HLTF: variants seen among roughly 807,000 people sequenced by gnomAD.
HLTF encodes helicase like transcription factor, also known as DNA-dependent ATPase/E3 ubiquitin-protein ligase HLTF.
Under a neutral mutation model 129.4 loss-of-function variants are expected in HLTF, and 127 were observed. That is an observed-to-expected ratio of 0.98 (90% CI 0.85 to 1.14). The LOEUF (loss-of-function observed/expected upper bound fraction) is 1.14, where lower values mean the gene tolerates loss of function less well. HLTF is among the 50% of genes most tolerant of loss of function. HLTF has a pLI of 0.00. For missense variants in HLTF, 1,139 were observed against 1,187.1 expected, an observed-to-expected ratio of 0.96 and a Z score of 0.60; for synonymous variants, 332 against 388.8, an observed-to-expected ratio of 0.85 and a Z score of 1.72.
At chr3:149,077,249 A>G (rs1356526887) in intron 2 of HLTF, among the ~76,000 whole-genome samples, 1 of 50,524 alleles carries the variant, frequency 2.0e-5, no homozygotes, top group Admixed American at 1.8e-4. Context: ...TTCATCTCAA[A>G]ATAAATAAAT....
intron 6 of HLTF, 47 bp downstream of exon 6, chr3:149,071,536 A>T: frequency 6.8e-7 from 1 of 1,472,550 alleles, no homozygotes; most frequent in Non-Finnish European, 9.4e-7. Flanking sequence ...TTCTAAGTAT[A>T]TTTAAACATT....
At chr3:149,040,488 C>T (rs1192744506) in intron 20 of HLTF, among the ~76,000 whole-genome samples, 4 of 151,730 alleles carry the variant, frequency 2.6e-5, no homozygotes, top group Admixed American at 2.6e-4. Context: ...AATACAGCTA[C>T]ACTATTTAGT....
At chr3:149,048,240 A>C in intron 16 of HLTF, 77 bp from the exon 17 acceptor site, 6 of 1,201,502 alleles carry the variant, frequency 5.0e-6, no homozygotes, top group Non-Finnish European at 6.9e-6. Flanking sequence ...CAATCAGAGA[A>C]GACAACAATT....
Position 149,072,604 on chromosome 3 carries a change from G to T in HLTF, c.627+621C>A, listed in dbSNP as rs576543274. Among the ~76,000 whole-genome samples the T allele has an allele frequency of 4.1e-4, 62 of 152,264 alleles. 1 individual carries two copies. In the South Asian group the frequency reaches 0.012, roughly 29 times the overall value. ...AGCAGCTCAGAAGAAATCAGGCCAG[G>T]TCTAAAAAATCAGAAGTAACCGGGG... On this transcript the variant is annotated intron_variant, in intron 5 of 24. Coordinates refer to ENST00000310053, the MANE Select transcript of HLTF (RefSeq NM_003071.4).
At chr3:149,055,442 T>C (rs1216847107) in intron 13 of HLTF, 42 bp from the exon 14 acceptor site, 6 of 1,291,896 alleles carry the variant, frequency 4.6e-6, no homozygotes, top group Admixed American at 1.7e-5. Context: ...GCTGTTTTTC[T>C]GAAATATATA....
chr3:149,051,695 T>C (rs2877411), intron 14 of HLTF, among the ~76,000 whole-genome samples: 10,807 of 152,134 alleles, frequency 0.071, 456 homozygotes, highest in South Asian at 0.15. Context: ...ACCCTGCCTC[T>C]ACTAAAAATA....
chr3:149,084,514 G>A (rs966797844), intron 2 of HLTF, among the ~76,000 whole-genome samples, 168 bp downstream of exon 2: 3 of 152,196 alleles, frequency 2.0e-5, no homozygotes, highest in Admixed American at 2.0e-4. Context: ...ACTCTGGGAG[G>A]CTGAGGTGGG....
In HLTF at chr3:149,071,601, A is replaced by C. The variant is rs763257592; in HGVS notation, c.684T>G (p.His228Gln). Residue 228 changes from histidine to glutamine, a missense_variant, in exon 6 of 25, where the codon CAT becomes CAG. His to Gln is a conservative substitution (Grantham distance 24). Transcript: ENST00000310053. ...TCAATACCTCAGCTGGTTCCATTTC[A>C]TGGGTTTTATCATCTTCTTTTAAAT... ...FEDLKEDDKT[H>Q]EMEPAEAIET... 2 of 1,597,172 alleles carry C rather than the reference A, an allele frequency of 1.3e-6. No homozygotes were observed. The highest frequency in any genetic ancestry group is 2.2e-5 in the South Asian group (2 of 89,694).
intron 2 of HLTF, among the ~76,000 whole-genome samples, chr3:149,078,811 C>T (rs985869946): frequency 1.3e-5 from 2 of 150,790 alleles, no homozygotes; most frequent in African/African-American, 4.9e-5. Flanking sequence ...GAGCCGAGAT[C>T]GTGCCACTGC....
chr3:149,068,227 A>ACTACTACTTTACCTTCTT lies in HLTF; in HGVS notation c.985_990+12dup. ...TGGAGGTTTCACATAAAGCGCACTT[A>ACTACTACTTTACCTTCTT]CTACTACTTTACCTTCTTCAGTAGA... is the stretch of plus-strand genomic sequence containing the variant. On this transcript the variant is annotated intron_variant, in intron 8 of 24. Coordinates refer to ENST00000310053, the MANE Select transcript of HLTF (RefSeq NM_003071.4). The ACTACTACTTTACCTTCTT allele has an allele frequency of 2.6e-6, 3 of 1,175,432 alleles. No individual in the cohort carries two copies. Among genetic ancestry groups the ACTACTACTTTACCTTCTT allele is most frequent in the African/African-American group, 3.1e-5 (2 of 64,474 alleles). 72.8% of individuals were successfully genotyped at this position (1,175,432 alleles called of 1,614,324 possible).
At chr3:149,039,806 A>C in intron 21 of HLTF, 113 bp from the exon 22 acceptor site, 1 of 683,300 alleles carries the variant, frequency 1.5e-6, no homozygotes, top group Middle Eastern at 4.1e-4. Context: ...AAAATGCAAA[A>C]GACTACTCAT....
At chr3:149,059,678 A>G (rs1226903703) in intron 13 of HLTF, 40 bp downstream of exon 13, 2 of 1,295,338 alleles carry the variant, frequency 1.5e-6, no homozygotes, top group Admixed American at 2.3e-5. Flanking sequence ...TCAAAAACAG[A>G]AAAAAAACCA....
chr3:149,042,327 AAAC>A, intron 18 of HLTF, 37 bp from the exon 19 acceptor site: 1 of 1,544,044 alleles, frequency 6.5e-7, no homozygotes, highest in Non-Finnish European at 8.9e-7. Context: ...TAAGTCCGCT[AAAC>A]AATAATAACT....
intron 14 of HLTF, among the ~76,000 whole-genome samples, 172 bp from the exon 15 acceptor site, chr3:149,050,547 C>A (rs1419274726): frequency 6.6e-6 from 1 of 152,166 alleles, no homozygotes; most frequent in Non-Finnish European, 1.5e-5. Context: ...AAAAATGACA[C>A]ATACACAGTA....
At position 149,086,531 on chromosome 3, in the gene HLTF, T is replaced by G; in HGVS notation, c.-195A>C. The stretch of plus-strand genomic sequence containing the variant: ...TCGACGCCGTCTCCTTCTGCAACAA[T>G]CTGGGAGACCAGCGTCGCTCTGTGA... On this transcript the variant is annotated 5_prime_UTR_variant, in exon 1 of 25. Coordinates refer to ENST00000310053, the MANE Select transcript of HLTF (RefSeq NM_003071.4). 1 of 625,124 alleles carries G rather than the reference T, an allele frequency of 1.6e-6. No individual in the cohort carries two copies. Among genetic ancestry groups the G allele is most frequent in the Non-Finnish European group, 2.8e-6 (1 of 354,846 alleles). The allele number at this position is 625,124 out of a possible 1,614,324, so 38.7% of individuals were successfully genotyped here.
chr3:149,053,947 T>G (rs1408835110), intron 14 of HLTF, among the ~76,000 whole-genome samples: 3 of 151,966 alleles, frequency 2.0e-5, no homozygotes, highest in Admixed American at 2.0e-4. Flanking sequence ...TTCGTTGGAA[T>G]AAAAAAATAG....
At chr3:149,045,108 T>A (rs895050515) in intron 18 of HLTF, among the ~76,000 whole-genome samples, 8 of 152,180 alleles carry the variant, frequency 5.3e-5, no homozygotes, top group African/African-American at 1.9e-4. Flanking sequence ...AAATCTCTGA[T>A]ATCATGACTA....
At chr3:149,079,229 G>A (rs1477795433) in intron 2 of HLTF, among the ~76,000 whole-genome samples, 7 of 151,222 alleles carry the variant, frequency 4.6e-5, no homozygotes, top group African/African-American at 1.7e-4. Context: ...TTCCCAATTC[G>A]ATGGAAACCA....
chr3:149,041,473 C>A lies in HLTF; in HGVS notation c.2376+17G>T. ...TACTCTATCAAACACTGAACCTGTACTGAGCAAAAAACTAACCTGCTCATT... is the reference window on the plus strand; with the variant it reads ...TACTCTATCAAACACTGAACCTGTAATGAGCAAAAAACTAACCTGCTCATT... On this transcript the variant is annotated intron_variant, in intron 20 of 24. Coordinates refer to ENST00000310053, the MANE Select transcript of HLTF (RefSeq NM_003071.4). 3.7e-6 allele frequency: 6 copies of A among 1,601,180 alleles called. No individual in the cohort carries two copies. The highest frequency in any genetic ancestry group is 4.5e-5 in the East Asian group (2 of 44,718).
Sources: allele counts gnomAD v4.1 joint callset (sites outside exome capture counted in the v4.1 genomes callset), GRCh38; gene constraint gnomAD v4.1.1; transcripts MANE v1.5; gene names NCBI Gene and HGNC (gene_info 2026-07-23, HGNC 2026-07-21).